The following WIPF3 variants were observed in gnomAD, a reference collection of about 807,000 sequenced individuals.
WIPF3 encodes the protein WAS/WASL interacting protein family member 3, also known as WAS/WASL-interacting protein family member 3.
In WIPF3, 33 loss-of-function variants were observed where a neutral mutation model predicts 38.9. The observed-to-expected ratio is 0.85, with a 90% CI of 0.64 to 1.14. The LOEUF (loss-of-function observed/expected upper bound fraction) is 1.14, where lower values mean the gene tolerates loss of function less well. WIPF3 is among the 50% of genes most tolerant of loss of function. The pLI is 0.00. For synonymous variants in WIPF3, 324 were observed against 269.3 expected (o/e 1.20, Z -1.99); for missense variants, 711 against 652.5 (o/e 1.09, Z -0.98).
intron 1 of WIPF3, among the ~76,000 whole-genome samples, chr7:29,818,766 C>A (rs931601499): frequency 3.9e-5 from 6 of 151,990 alleles, no homozygotes; most frequent in Non-Finnish European, 8.8e-5. Context: ...AGTGGACATG[C>A]TTGTCTTGTT....
chr7:29,869,051 T>A (rs1041658570), intron 2 of WIPF3, among the ~76,000 whole-genome samples: 1 of 151,766 alleles, frequency 6.6e-6, no homozygotes, highest in African/African-American at 2.4e-5. Context: ...TTTTTTGAGA[T>A]GGAGTTTCAC....
At chr7:29,807,059 C>T (rs905022347) in intron 1 of WIPF3, among the ~76,000 whole-genome samples, 1 of 152,104 alleles carries the variant, frequency 6.6e-6, no homozygotes, top group Middle Eastern at 3.2e-3. Flanking sequence ...GCGACGCTCT[C>T]TCTTCTCCGC....
intron 2 of WIPF3, among the ~76,000 whole-genome samples, chr7:29,868,720 C>T (rs1785436940): frequency 6.6e-6 from 1 of 152,068 alleles, no homozygotes; most frequent in South Asian, 2.1e-4. Context: ...GAGCCTACTG[C>T]ACACCTAGGT....
At chr7:29,854,897 A>C (rs974139464) in intron 2 of WIPF3, among the ~76,000 whole-genome samples, 9 of 152,232 alleles carry the variant, frequency 5.9e-5, no homozygotes, top group African/African-American at 2.2e-4. Context: ...CTACAAGCCA[A>C]GGGGAGAGGC....
rs1784566149 is a variant in WIPF3, at chr7:29,823,111, C to T, written c.-57-11557C>T. On this transcript the variant is annotated intron_variant, in intron 1 of 8. Coordinates refer to ENST00000242140, the MANE Select transcript of WIPF3 (RefSeq NM_001080529.3). The surrounding 1 kb of genome is among the most constrained non-coding windows in gnomAD (Gnocchi z 4.0). ...TTTATACAACTTAGGAAAGAAGAAACATTCTACCTTTTTCTTGAACAAATA... is the reference window on the plus strand; with the variant it reads ...TTTATACAACTTAGGAAAGAAGAAATATTCTACCTTTTTCTTGAACAAATA... 6.6e-6 allele frequency among the ~76,000 whole-genome samples: 1 copy of T among 152,196 alleles called. No individual in the cohort carries two copies. The highest frequency in any genetic ancestry group is 1.5e-5 in the Non-Finnish European group (1 of 68,030).
intron 1 of WIPF3, among the ~76,000 whole-genome samples, chr7:29,830,196 G>A (rs1784695358): frequency 6.6e-6 from 1 of 151,888 alleles, no homozygotes; most frequent in African/African-American, 2.4e-5. Context: ...CTTCAGCGAG[G>A]CAGCATCTCG....
At position 29,879,096 on chromosome 7, in the gene WIPF3, G is replaced by A. The variant is rs549514145; in HGVS notation, c.311G>A (p.Gly104Asp). The A allele has an allele frequency of 6.8e-6, 11 of 1,612,562 alleles. No individual in the cohort carries two copies. In the Admixed American group the frequency reaches 1.8e-4, roughly 27 times the overall value. The change falls in exon 4 of 9, where the codon GGT (glycine) becomes GAT (aspartate). Residue 104 changes from glycine to aspartate, a missense_variant. Coordinates refer to ENST00000242140, the MANE Select transcript of WIPF3 (RefSeq NM_001080529.3). Reference sequence around the variant, plus strand: ...CCCACCCTGGGAGATCTGTTTGCTGGTGGCTTTCCTGTATTGCGACCAGCA... The same window carrying A: ...CCCACCCTGGGAGATCTGTTTGCTGATGGCTTTCCTGTATTGCGACCAGCA... ...TPPTLGDLFA[G>D]GFPVLRPAGQ...
intron 1 of WIPF3, among the ~76,000 whole-genome samples, chr7:29,809,315 A>G (rs1784335009): frequency 6.6e-6 from 1 of 152,220 alleles, no homozygotes; most frequent in South Asian, 2.1e-4. Flanking sequence ...TAAGGGGAGC[A>G]ATTTAGAAAT....
chr7:29,842,037 C>T (rs1271722983), intron 2 of WIPF3, among the ~76,000 whole-genome samples: 1 of 152,212 alleles, frequency 6.6e-6, no homozygotes, highest in Admixed American at 6.5e-5. Context: ...AGAAGCCCCT[C>T]GGGGGCCTGT....
In WIPF3 at chr7:29,871,247, G is replaced by A. The variant is rs114269308; in HGVS notation, c.91-4583G>A. On this transcript the variant is annotated intron_variant, in intron 2 of 8. Transcript: ENST00000242140. The stretch of plus-strand genomic sequence containing the variant: ...ATAAAGATGGCAACAGTAGAAGGGA[G>A]ACATTGCCATTCTGGCTGTCCTTGG... Among the ~76,000 whole-genome samples the A allele has an allele frequency of 7.1e-3, 1,079 of 152,294 alleles. 13 individuals carry two copies. The highest frequency in any genetic ancestry group is 0.016 in the African/African-American group (660 of 41,544).
chr7:29,825,277 G>A (rs1384137384), intron 1 of WIPF3, among the ~76,000 whole-genome samples: 3 of 152,140 alleles, frequency 2.0e-5, no homozygotes, highest in East Asian at 1.9e-4. Flanking sequence ...GCAAACCACC[G>A]TGGTATGTGT....
At chr7:29,896,692 A>T (rs1422556969) in intron 7 of WIPF3, among the ~76,000 whole-genome samples, 1 of 152,216 alleles carries the variant, frequency 6.6e-6, no homozygotes, top group East Asian at 1.9e-4. Context: ...ATGGTTGCAC[A>T]ACACTGTAAA....
chr7:29,910,738 C>A (rs2214756), intron 8 of WIPF3, among the ~76,000 whole-genome samples: 71,722 of 151,828 alleles, frequency 0.47, 18,450 homozygotes, highest in East Asian at 0.72. Flanking sequence ...AAAAAAAATT[C>A]TCAATAAACT....
chr7:29,869,307 C>T (rs975759294), intron 2 of WIPF3, among the ~76,000 whole-genome samples: 3 of 152,176 alleles, frequency 2.0e-5, no homozygotes, highest in Admixed American at 1.3e-4. Flanking sequence ...GGATTACAGG[C>T]GTGAGCCACT....
chr7:29,904,689 G>A (rs1319597882), intron 8 of WIPF3: 1 of 253,016 alleles, frequency 4.0e-6, no homozygotes, highest in South Asian at 6.5e-5. Context: ...TGAATAACAT[G>A]TATAAAACAT....
chr7:29,897,797 G>C (rs903448386), intron 7 of WIPF3, among the ~76,000 whole-genome samples: 1 of 152,206 alleles, frequency 6.6e-6, no homozygotes, highest in Non-Finnish European at 1.5e-5. Flanking sequence ...CCTCTGCCCT[G>C]ATGAGCTTTC....
intron 7 of WIPF3, 101 bp from the exon 8 acceptor site, chr7:29,904,185 T>C: frequency 9.0e-7 from 1 of 1,115,388 alleles, no homozygotes; most frequent in Non-Finnish European, 1.3e-6. Flanking sequence ...ATCCTGAAGG[T>C]TTCATTGTTT....
intron 2 of WIPF3, among the ~76,000 whole-genome samples, chr7:29,860,006 A>G (rs958835317): frequency 6.6e-6 from 1 of 152,096 alleles, no homozygotes; most frequent in Non-Finnish European, 1.5e-5. Flanking sequence ...AGAACTAGGC[A>G]TGTGTGGTTG....
At chr7:29,902,310 A>C (rs1786303569) in intron 7 of WIPF3, among the ~76,000 whole-genome samples, 1 of 146,470 alleles carries the variant, frequency 6.8e-6, no homozygotes, top group Non-Finnish European at 1.5e-5. Context: ...TCAGTTAATA[A>C]ACTAGCTAAA....
Sources: allele counts gnomAD v4.1 joint callset (sites outside exome capture counted in the v4.1 genomes callset), GRCh38; gene constraint gnomAD v4.1.1; non-coding constraint Gnocchi (gnomAD v3.1); transcripts MANE v1.5; gene names NCBI Gene and HGNC (gene_info 2026-07-23, HGNC 2026-07-21).